The following FMN1 variants were observed in gnomAD, a reference collection of about 807,000 sequenced individuals.
FMN1 encodes formin-1.
A neutral mutation model predicts 132.4 loss-of-function variants in FMN1; 110 were observed. That is an observed-to-expected ratio of 0.83 (90% confidence interval 0.71 to 0.97). The LOEUF (loss-of-function observed/expected upper bound fraction) is 0.97, where lower values mean the gene tolerates loss of function less well. Ranked by LOEUF, FMN1 falls within the 50% of genes least tolerant of loss-of-function variation. The pLI is 0.00. For synonymous variants in FMN1, 722 were observed against 651.7 expected, an observed-to-expected ratio of 1.11 and a Z score of -1.64; for missense variants, 1,792 against 1,705.3, an observed-to-expected ratio of 1.05 and a Z score of -0.90.
At chr15:33,022,754 G>C (rs757213442) in intron 6 of FMN1, among the ~76,000 whole-genome samples, 2 of 126,360 alleles carry the variant, frequency 1.6e-5, no homozygotes, top group Admixed American at 8.7e-5. Context: ...AGTTACTGCA[G>C]AGTAACAGGG....
chr15:33,002,790 G>C (rs1215097930), intron 7 of FMN1, among the ~76,000 whole-genome samples: 2 of 152,162 alleles, frequency 1.3e-5, no homozygotes, highest in Non-Finnish European at 2.9e-5. Flanking sequence ...TTAAAACACT[G>C]TGTTTGCCAA....
chr15:32,985,612 G>C (rs1390067548), intron 7 of FMN1, among the ~76,000 whole-genome samples: 1 of 152,136 alleles, frequency 6.6e-6, no homozygotes, highest in Non-Finnish European at 1.5e-5. Flanking sequence ...AAACTGATTT[G>C]TATGATTACT....
chr15:33,031,274 C>G (rs1469477539), intron 6 of FMN1, among the ~76,000 whole-genome samples: 1 of 152,162 alleles, frequency 6.6e-6, no homozygotes, highest in African/African-American at 2.4e-5. Context: ...AAAAAACCAT[C>G]ATGATACACA....
intron 4 of FMN1, among the ~76,000 whole-genome samples, chr15:33,102,539 T>C (rs920287937): frequency 1.3e-5 from 2 of 152,052 alleles, no homozygotes; most frequent in Admixed American, 6.6e-5. Context: ...TCTTTTCCTC[T>C]CTCCCTCCTT....
At chr15:33,167,324 T>C (rs1200167424) in intron 3 of FMN1, among the ~76,000 whole-genome samples, 2 of 152,228 alleles carry the variant, frequency 1.3e-5, no homozygotes, top group Non-Finnish European at 2.9e-5. Context: ...TGCTACCATG[T>C]AAGATGTGCC....
intron 5 of FMN1, among the ~76,000 whole-genome samples, chr15:33,075,896 G>C (rs912417837): frequency 6.6e-6 from 1 of 152,130 alleles, no homozygotes; most frequent in Non-Finnish European, 1.5e-5. Context: ...CAAAAGTGCT[G>C]CTTCATTACA....
At chr15:32,885,278 G>T (rs935079284) in intron 16 of FMN1, among the ~76,000 whole-genome samples, 7 of 152,122 alleles carry the variant, frequency 4.6e-5, no homozygotes, top group African/African-American at 1.7e-4. Context: ...TGTGGTTTTG[G>T]GAGTGTGTGC....
intron 9 of FMN1, among the ~76,000 whole-genome samples, chr15:32,940,313 A>T (rs373937216): frequency 1.4e-3 from 219 of 152,170 alleles, no homozygotes; most frequent in African/African-American, 5.0e-3. Flanking sequence ...CATTGTATCA[A>T]CGCTGAAAGG....
At chr15:32,992,712 A>T (rs180905563) in intron 7 of FMN1, among the ~76,000 whole-genome samples, 1 of 152,212 alleles carries the variant, frequency 6.6e-6, no homozygotes, top group South Asian at 2.1e-4. Context: ...TCATATTCCT[A>T]TAACTCCTAA....
At chr15:32,835,416 C>T (rs1038634944) in intron 17 of FMN1, among the ~76,000 whole-genome samples, 77 of 152,154 alleles carry the variant, frequency 5.1e-4, no homozygotes, top group Non-Finnish European at 2.2e-4. Flanking sequence ...TGCCGGAAGC[C>T]GGGAAAATAC....
rs1193841478 is a variant in FMN1 at position 33,036,726 on chromosome 15, A to C, written c.2161+28231T>G. ...GGGTTATAATAAGTATTAAAATTTA[A>C]TTATTTAATCCATGTAGAGCATTTA... is the stretch of plus-strand genomic sequence containing the variant. On this transcript the variant is annotated intron_variant, in intron 6 of 20. Coordinates refer to ENST00000616417, the MANE Select transcript of FMN1 (RefSeq NM_001277313.2). Among the ~76,000 whole-genome samples, 25 of 152,218 alleles carry C rather than the reference A, an allele frequency of 1.6e-4. 1 individual carries two copies. Among genetic ancestry groups the C allele is most frequent in the Admixed American group, 1.6e-3 (25 of 15,282 alleles).
At chr15:32,988,092 G>C (rs1346114205) in intron 7 of FMN1, among the ~76,000 whole-genome samples, 3 of 127,746 alleles carry the variant, frequency 2.3e-5, no homozygotes, top group Non-Finnish European at 4.8e-5. Context: ...TAATTAGGTT[G>C]CTAATAAGCA....
intron 5 of FMN1, among the ~76,000 whole-genome samples, chr15:33,086,535 A>G (rs1049879121): frequency 1.3e-5 from 2 of 151,702 alleles, no homozygotes; most frequent in Admixed American, 6.6e-5. Context: ...AACCAGAAAT[A>G]CACAGTTTAG....
At chr15:32,823,273 T>C (rs2058279435) in intron 17 of FMN1, among the ~76,000 whole-genome samples, 1 of 147,738 alleles carries the variant, frequency 6.8e-6, no homozygotes, top group African/African-American at 2.5e-5. Flanking sequence ...ACCATTCTCC[T>C]GCTTCAGCCT....
At chr15:33,042,606 C>A (rs2036490754) in intron 6 of FMN1, among the ~76,000 whole-genome samples, 1 of 152,118 alleles carries the variant, frequency 6.6e-6, no homozygotes, top group Non-Finnish European at 1.5e-5. Flanking sequence ...GATTTATAAA[C>A]AAGAGTGTTG....
intron 19 of FMN1, among the ~76,000 whole-genome samples, chr15:32,787,145 T>C (rs2056907677): frequency 6.6e-6 from 1 of 152,100 alleles, no homozygotes; most frequent in Non-Finnish European, 1.5e-5. Flanking sequence ...CTCCCTACTG[T>C]AAGAAAAAAA....
intron 10 of FMN1, among the ~76,000 whole-genome samples, chr15:32,915,318 A>G (rs978892553): frequency 2.6e-5 from 4 of 152,238 alleles, no homozygotes; most frequent in Non-Finnish European, 5.9e-5. Flanking sequence ...CGTATTAGAG[A>G]ATCAATGAAT....
chr15:32,901,924 G>A lies in FMN1; in HGVS notation c.3494C>T (p.Thr1165Met), dbSNP rs201413508. 51 of 1,608,724 alleles carry A rather than the reference G, an allele frequency of 3.2e-5. No homozygotes were observed. The East Asian group carries it at 8.7e-4, about 27-fold the overall frequency. The stretch of plus-strand genomic sequence containing the variant: ...CAGTAAACATACCTTAGAAGCTCGC[G>A]TGATGATCTCTACCTTTCTGTGCAA... ...TSLHRKVEII[T>M]RASKDLLHVK... Residue 1165 changes from threonine (T) to methionine (M), a missense_variant, in exon 13 of 21, where the codon ACG becomes ATG. This residue lies in a region of FMN1 where 1,150 missense variants were observed against 1,043.1 expected (regional missense o/e 1.10). Coordinates refer to ENST00000616417, the MANE Select transcript of FMN1 (RefSeq NM_001277313.2).
chr15:33,109,974 C>CA, intron 4 of FMN1, among the ~76,000 whole-genome samples: 1 of 152,128 alleles, frequency 6.6e-6, no homozygotes, highest in East Asian at 1.9e-4. Flanking sequence ...CAACTGGACA[C>CA]AGCAAGTTCC....
Sources: gnomAD v4.1 joint callset for allele counts (sites outside exome capture counted in the v4.1 genomes callset) on GRCh38, gnomAD v4.1.1 for gene constraint, gnomAD v4.1.1 regional missense constraint, MANE v1.5 for transcripts, NCBI Gene and HGNC (gene_info 2026-07-23, HGNC 2026-07-21) for gene names.